The following LTBP1 variants were observed in gnomAD, a reference collection of about 807,000 sequenced individuals.
The protein encoded by LTBP1 is latent-transforming growth factor beta-binding protein 1.
LTBP1 carries 129 observed loss-of-function variants against 207.6 expected under a neutral mutation model. The observed-to-expected ratio is 0.62, with a 90% confidence interval of 0.54 to 0.72. LTBP1 has a LOEUF of 0.72. Ranked by LOEUF, LTBP1 falls within the 30% of genes least tolerant of loss-of-function variation. LTBP1 has a pLI of 0.00. For synonymous variants in LTBP1, 963 were observed against 833.7 expected (o/e 1.16, Z -2.67); for missense variants, 2,281 against 2,217.2 (o/e 1.03, Z -0.58).
chr2:33,173,999 C>T (rs1479326071), intron 5 of LTBP1, among the ~76,000 whole-genome samples: 12 of 133,820 alleles, frequency 9.0e-5, no homozygotes, highest in Admixed American at 1.6e-4. Flanking sequence ...ATTGATGGGA[C>T]GTATCTCAAA....
intron 5 of LTBP1, among the ~76,000 whole-genome samples, chr2:33,153,554 C>A (rs545270537): frequency 2.0e-5 from 3 of 152,250 alleles, no homozygotes; most frequent in African/African-American, 7.2e-5. Context: ...ATGGATCATT[C>A]ACATTAAAAA....
intron 2 of LTBP1, among the ~76,000 whole-genome samples, chr2:32,987,801 A>G (rs544569957): frequency 2.0e-5 from 3 of 152,330 alleles, no homozygotes; most frequent in East Asian, 1.9e-4. Context: ...CATATTTACA[A>G]TGGAGAACTA....
At chr2:33,224,492 TTAGA>T (rs1313681404) in intron 9 of LTBP1, among the ~76,000 whole-genome samples, 1 of 152,224 alleles carries the variant, frequency 6.6e-6, no homozygotes, top group Non-Finnish European at 1.5e-5. Flanking sequence ...TTACTCTCTC[TTAGA>T]TAGTTTTATG....
chr2:32,996,337 C>T (rs903569708), intron 2 of LTBP1, among the ~76,000 whole-genome samples: 6 of 152,068 alleles, frequency 3.9e-5, no homozygotes, highest in African/African-American at 1.2e-4. Context: ...TTTATGAGGG[C>T]ACTAACTCCA....
chr2:33,117,766 T>A lies in LTBP1; in HGVS notation c.1033+7015T>A, dbSNP rs116417732. On this transcript the variant is annotated intron_variant, in intron 4 of 33. Transcript: ENST00000404816. ...ATGCTGCAAAAGACGGGAAAATCCT[T>A]GGGGTGGCAACTGGATAAAGGCAGA... Among the ~76,000 whole-genome samples the A allele has an allele frequency of 7.8e-3, 1,187 of 152,156 alleles. 13 individuals are homozygous for A. The highest frequency in any genetic ancestry group is 0.027 in the African/African-American group (1,122 of 41,512).
chr2:33,391,449 AG>A (rs2150632580), intron 32 of LTBP1, among the ~76,000 whole-genome samples: 1 of 152,300 alleles, frequency 6.6e-6, no homozygotes, highest in East Asian at 1.9e-4. Flanking sequence ...TTAAGAAAAA[AG>A]GAAGGGAGAA....
At position 33,193,498 on chromosome 2, in the gene LTBP1, A is replaced by G. The variant is rs139391059; in HGVS notation, c.1701+4647A>G. On this transcript the variant is annotated intron_variant, in intron 7 of 33. Transcript: ENST00000404816. ...CTGAAAGTTTTAGGGGTGAAATTCCATGATGTTCGTAGTTTACAGGCACAC... is the reference window on the plus strand; with the variant it reads ...CTGAAAGTTTTAGGGGTGAAATTCCGTGATGTTCGTAGTTTACAGGCACAC... Among the ~76,000 whole-genome samples the G allele has an allele frequency of 1.4e-3, 215 of 152,324 alleles. 3 individuals carry two copies. The highest frequency in any genetic ancestry group is 5.0e-3 in the African/African-American group (207 of 41,560).
intron 2 of LTBP1, 102 bp downstream of exon 2, chr2:32,949,047 A>G: frequency 1.8e-6 from 2 of 1,137,730 alleles, no homozygotes; most frequent in South Asian, 1.3e-5. Context: ...GCTCGGGGGA[A>G]GTTGAAGTCT....
chr2:33,312,794 C>G (rs2094206973), intron 23 of LTBP1, among the ~76,000 whole-genome samples: 1 of 151,960 alleles, frequency 6.6e-6, no homozygotes, highest in East Asian at 1.9e-4. Context: ...CACATTATTC[C>G]CTATGCAAAG....
intron 2 of LTBP1, among the ~76,000 whole-genome samples, chr2:33,012,010 A>AC (rs999358435): frequency 1.3e-5 from 2 of 151,204 alleles, no homozygotes. Context: ...CACTGTGATC[A>AC]CCCCCCATCA....
intron 3 of LTBP1, among the ~76,000 whole-genome samples, chr2:33,038,973 G>A (rs973005975): frequency 6.6e-6 from 1 of 152,300 alleles, no homozygotes; most frequent in Admixed American, 6.5e-5. Context: ...TGCGCTCAGG[G>A]CTCTGCCTCC....
rs1373634281 is a variant in LTBP1 at position 33,277,834 on chromosome 2, T to TTCTTTCTTTC, written c.2992+1912_2992+1913insCTTTCTTTCT. ...CTTTTTTTCTTTCTTTCTTTCTTTTTTTTTTTTTTTTTTTAAAGACAGTCT... is the reference window on the plus strand; with the variant it reads ...CTTTTTTTCTTTCTTTCTTTCTTTTTTCTTTCTTTCTTTTTTTTTTTTTTAAAGACAGTCT... On this transcript the variant is annotated intron_variant, in intron 18 of 33. Transcript: ENST00000404816. Among the ~76,000 whole-genome samples, 134 of 113,570 alleles carry TTCTTTCTTTC rather than the reference T, an allele frequency of 1.2e-3. 2 individuals are homozygous for TTCTTTCTTTC. Among genetic ancestry groups the TTCTTTCTTTC allele is most frequent in the Middle Eastern group, 4.4e-3 (1 of 226 alleles). The allele number at this position is 113,570 out of a possible 152,430, so 74.5% of individuals were successfully genotyped here.
At chr2:33,305,525 C>G (rs545434442) in intron 22 of LTBP1, among the ~76,000 whole-genome samples, 3 of 152,224 alleles carry the variant, frequency 2.0e-5, no homozygotes, top group Non-Finnish European at 4.4e-5. Context: ...ATAGCAGATG[C>G]GGATGCCCGA....
intron 8 of LTBP1, 124 bp from the exon 9 acceptor site, chr2:33,221,956 G>T (rs7608535): frequency 1.6e-6 from 1 of 615,598 alleles, no homozygotes; most frequent in Non-Finnish European, 3.0e-6. Context: ...CATTGGTATT[G>T]GTTTCTTATA....
intron 25 of LTBP1, among the ~76,000 whole-genome samples, chr2:33,344,000 G>A (rs1421102757): frequency 6.6e-6 from 1 of 152,170 alleles, no homozygotes; most frequent in Non-Finnish European, 1.5e-5. Context: ...TGGAACTTGA[G>A]GAGTCTATTG....
At chr2:33,384,926 G>A (rs1242305890) in intron 31 of LTBP1, among the ~76,000 whole-genome samples, 4 of 152,154 alleles carry the variant, frequency 2.6e-5, no homozygotes, top group African/African-American at 9.7e-5. Flanking sequence ...TCCTAAAGAG[G>A]ATGACTTGCC....
In LTBP1 at chr2:33,354,341, A is replaced by G. The variant is rs181800886; in HGVS notation, c.4001-6256A>G. 2.8e-3 allele frequency among the ~76,000 whole-genome samples: 427 copies of G among 152,302 alleles called. 1 individual carries two copies. The highest frequency in any genetic ancestry group is 9.7e-3 in the African/African-American group (405 of 41,542). On this transcript the variant is annotated intron_variant, in intron 26 of 33. Coordinates refer to ENST00000404816, the MANE Select transcript of LTBP1 (RefSeq NM_206943.4). ...ACAAGACTTTTGGTAGGAAAAAAAT[A>G]TTAAAGAAAGTAAGACCACAGTATT...
chr2:33,053,499 C>T (rs2076844067), intron 3 of LTBP1, among the ~76,000 whole-genome samples: 1 of 151,886 alleles, frequency 6.6e-6, no homozygotes, highest in South Asian at 2.1e-4. Flanking sequence ...CCTCGCAGCC[C>T]TCGCTCGCTC....
intron 5 of LTBP1, among the ~76,000 whole-genome samples, chr2:33,177,401 G>C (rs1372984703): frequency 6.6e-6 from 1 of 152,184 alleles, no homozygotes; most frequent in Non-Finnish European, 1.5e-5. Context: ...TGTAATCCCA[G>C]CACTTTGCAG....
Sources: gnomAD v4.1 joint callset for allele counts (sites outside exome capture counted in the v4.1 genomes callset) on GRCh38, gnomAD v4.1.1 for gene constraint, MANE v1.5 for transcripts, NCBI Gene and HGNC (gene_info 2026-07-23, HGNC 2026-07-21) for gene names.